The following SLC4A4 variants were observed in gnomAD, a reference collection of about 807,000 sequenced individuals.
The protein encoded by SLC4A4 is solute carrier family 4 member 4, also known as electrogenic sodium bicarbonate cotransporter 1.
A neutral mutation model predicts 111.5 loss-of-function variants in SLC4A4; 27 were observed. The observed-to-expected ratio is 0.24, with a 90% CI of 0.18 to 0.33. The LOEUF is 0.33. SLC4A4 is among the 10% of genes least tolerant of loss of function. The pLI is 1.00. For synonymous variants in SLC4A4, 443 were observed against 463.4 expected (o/e 0.96, Z 0.57); for missense variants, 909 against 1,315.5 (o/e 0.69, Z 4.78).
At chr4:71,328,627 A>G (rs1727694896) in intron 3 of SLC4A4, among the ~76,000 whole-genome samples, 1 of 152,128 alleles carries the variant, frequency 6.6e-6, no homozygotes, top group African/African-American at 2.4e-5. Flanking sequence ...TTATTTTAAG[A>G]AAGATCTGTT....
intron 2 of SLC4A4, among the ~76,000 whole-genome samples, chr4:71,144,002 T>C (rs1245536601): frequency 6.6e-6 from 1 of 152,244 alleles, no homozygotes; most frequent in African/African-American, 2.4e-5. Flanking sequence ...TTTGGTGTTT[T>C]AGTCATGAAG....
chr4:71,536,467 T>TATAC (rs1553928584), intron 18 of SLC4A4, among the ~76,000 whole-genome samples: 3 of 66,484 alleles, frequency 4.5e-5, no homozygotes, highest in African/African-American at 1.4e-4. Flanking sequence ...CATATATACA[T>TATAC]ATATATATAT....
chr4:71,392,537 T>C (rs1243092348), intron 6 of SLC4A4, among the ~76,000 whole-genome samples: 1 of 152,080 alleles, frequency 6.6e-6, no homozygotes, highest in Admixed American at 6.6e-5. Flanking sequence ...AAAATGCACA[T>C]TGGTGTCCAC....
intron 7 of SLC4A4, chr4:71,438,058 C>T (rs1174080521): frequency 1.3e-5 from 2 of 152,882 alleles, no homozygotes; most frequent in African/African-American, 2.4e-5. Flanking sequence ...ACTCCCAGCT[C>T]GTGCAGGGCT....
chr4:71,335,961 C>T lies in SLC4A4; in HGVS notation c.254-3409C>T, dbSNP rs147716808. On this transcript the variant is annotated intron_variant, in intron 3 of 25. Transcript: ENST00000264485. The stretch of plus-strand genomic sequence containing the variant: ...TTTTTTTCTGGTATTGGTTTATGTG[C>T]TAATTTACTTATTTATTTAAAGAAT... 6.6e-5 allele frequency among the ~76,000 whole-genome samples: 10 copies of T among 152,080 alleles called. No individual in the cohort carries two copies. The East Asian group carries it at 1.9e-3, about 29-fold the overall frequency.
At chr4:71,458,404 T>C (rs1726493696) in intron 12 of SLC4A4, among the ~76,000 whole-genome samples, 1 of 152,118 alleles carries the variant, frequency 6.6e-6, no homozygotes, top group African/African-American at 2.4e-5. Context: ...ATCTACATTG[T>C]TGATTGTGAA....
intron 7 of SLC4A4, among the ~76,000 whole-genome samples, chr4:71,403,914 G>C (rs542731310): frequency 1.2e-4 from 18 of 152,134 alleles, no homozygotes; most frequent in African/African-American, 4.3e-4. Flanking sequence ...ATTAAAATGA[G>C]AGCTCACAGA....
intron 2 of SLC4A4, among the ~76,000 whole-genome samples, chr4:71,158,045 T>C (rs1025355237): frequency 6.6e-6 from 1 of 151,854 alleles, no homozygotes; most frequent in African/African-American, 2.4e-5. Context: ...CTGAAGTTTA[T>C]GGGAAAAGAC....
intron 2 of SLC4A4, among the ~76,000 whole-genome samples, chr4:71,120,554 T>C (rs552975350): frequency 6.6e-6 from 1 of 152,184 alleles, no homozygotes; most frequent in Non-Finnish European, 1.5e-5. Context: ...TATCTTGGGA[T>C]CTTTTTGATG....
chr4:71,564,577 T>C (rs1415985824), intron 24 of SLC4A4, among the ~76,000 whole-genome samples: 3 of 151,884 alleles, frequency 2.0e-5, no homozygotes, highest in Non-Finnish European at 4.4e-5. Flanking sequence ...TTAGTGACCA[T>C]TTCAGACTTT....
At chr4:71,166,766 T>G (rs1221292095) in intron 2 of SLC4A4, among the ~76,000 whole-genome samples, 3 of 152,228 alleles carry the variant, frequency 2.0e-5, no homozygotes, top group African/African-American at 4.8e-5. Context: ...TCAGATTCCT[T>G]GTCTGTCTCA....
At chr4:71,172,747 C>G (rs1001979434) in intron 2 of SLC4A4, among the ~76,000 whole-genome samples, 2 of 152,164 alleles carry the variant, frequency 1.3e-5, no homozygotes, top group African/African-American at 4.8e-5. Context: ...AGATTACTAG[C>G]ATCAGGCTCA....
At chr4:71,260,554 AC>A (rs1029657080) in intron 3 of SLC4A4, among the ~76,000 whole-genome samples, 5 of 152,138 alleles carry the variant, frequency 3.3e-5, no homozygotes, top group African/African-American at 1.2e-4. Context: ...TCTATTTTTC[AC>A]CTTATATAAG....
intron 2 of SLC4A4, among the ~76,000 whole-genome samples, chr4:71,106,836 G>A (rs1362713859): frequency 1.4e-5 from 2 of 148,130 alleles, no homozygotes; most frequent in South Asian, 2.2e-4. Context: ...TGACGAGTTA[G>A]TGGGTGCAGC....
At chr4:71,240,897 C>T (rs375000103) in intron 2 of SLC4A4, among the ~76,000 whole-genome samples, 19 of 151,876 alleles carry the variant, frequency 1.3e-4, no homozygotes, top group East Asian at 7.7e-4. Flanking sequence ...GTGGGAGGAT[C>T]ACTTGAGGGC....
In SLC4A4 at chr4:71,300,601, C is replaced by T. The variant is rs762266123; in HGVS notation, c.254-38769C>T. ...ATTCTGAAGTGCCAGGGGCAGCTGC[C>T]GTCTCTTCATGAGCAGCTCTGTATG... On this transcript the variant is annotated intron_variant, in intron 3 of 25. Coordinates refer to ENST00000264485, the MANE Select transcript of SLC4A4 (RefSeq NM_001098484.3). 6.0e-4 allele frequency: 169 copies of T among 279,674 alleles called. 1 individual carries two copies. The highest frequency in any genetic ancestry group is 2.1e-4 in the Non-Finnish European group (29 of 136,558). 17.3% of individuals were successfully genotyped at this position (279,674 alleles called of 1,614,324 possible).
At chr4:71,474,567 G>C (rs2149110971) in intron 14 of SLC4A4, among the ~76,000 whole-genome samples, 1 of 151,912 alleles carries the variant, frequency 6.6e-6, no homozygotes, top group East Asian at 2.0e-4. Flanking sequence ...GTCTTGAATT[G>C]AGAAAAAAGA....
At chr4:71,179,250 A>G (rs1409003022) in intron 2 of SLC4A4, among the ~76,000 whole-genome samples, 1 of 152,014 alleles carries the variant, frequency 6.6e-6, no homozygotes, top group Non-Finnish European at 1.5e-5. Flanking sequence ...CCAATATCAT[A>G]CTGAATGGGC....
At chr4:71,426,342 T>C (rs1723133032) in intron 7 of SLC4A4, among the ~76,000 whole-genome samples, 1 of 152,068 alleles carries the variant, frequency 6.6e-6, no homozygotes, top group African/African-American at 2.4e-5. Flanking sequence ...GCTTAGAATT[T>C]TTAGTTTACA....
Sources: allele counts gnomAD v4.1 joint callset (sites outside exome capture counted in the v4.1 genomes callset), GRCh38; gene constraint gnomAD v4.1.1; transcripts MANE v1.5; gene names NCBI Gene and HGNC (gene_info 2026-07-23, HGNC 2026-07-21).